The following LIG1 variants were observed in gnomAD, a reference collection of about 807,000 sequenced individuals.
The protein encoded by LIG1 is ligase I, DNA, ATP-dependent.
In LIG1, 70 loss-of-function variants were observed where a neutral mutation model predicts 115.7. The ratio of observed to expected loss-of-function variants is 0.60; its 90% CI spans 0.50 to 0.74. The LOEUF is 0.74. Among genes scored for constraint, LIG1 ranks in the 30% least tolerant of loss-of-function variants. The pLI, the probability that LIG1 is intolerant of heterozygous loss-of-function variation, is 0.00. For missense variants in LIG1, 1,115 were observed against 1,225.6 expected (o/e 0.91, Z 1.35); for synonymous variants, 487 against 495.3 (o/e 0.98, Z 0.22).
chr19:48,153,106 A>G (rs916517623), intron 6 of LIG1, among the ~76,000 whole-genome samples: 2 of 151,314 alleles, frequency 1.3e-5, no homozygotes, highest in African/African-American at 4.9e-5. Flanking sequence ...GAGGTGGGAG[A>G]ATCGCTTGAG....
At chr19:48,127,670 T>A (rs1189441090) in intron 20 of LIG1, 1 of 619,724 alleles carries the variant, frequency 1.6e-6, no homozygotes, top group Non-Finnish European at 2.9e-6. Context: ...CCAGAACAGA[T>A]CTTCTTTCAT....
At chr19:48,129,431 G>A (rs1223540871) in intron 19 of LIG1, among the ~76,000 whole-genome samples, 1 of 152,202 alleles carries the variant, frequency 6.6e-6, no homozygotes, top group East Asian at 1.9e-4. Flanking sequence ...AGAGCCAGCT[G>A]CAGGACTCTC....
intron 24 of LIG1, chr19:48,120,966 T>C: frequency 6.9e-7 from 1 of 1,454,774 alleles, no homozygotes. Context: ...CACACATTCC[T>C]GACATCTTTC....
Position 48,116,006 on chromosome 19 carries a change from C to A in LIG1, c.2584-41G>T, listed in dbSNP as rs746305040. On this transcript the variant is annotated intron_variant, in intron 26 of 27. Coordinates refer to ENST00000263274, the MANE Select transcript of LIG1 (RefSeq NM_000234.3). Reference sequence around the variant, plus strand: ...GGAGACTCCTGCGGTCCAGCCCCAGCGACCCCCTGCTCAGTCTCCTCCCTC... The same window carrying A: ...GGAGACTCCTGCGGTCCAGCCCCAGAGACCCCCTGCTCAGTCTCCTCCCTC... 14 of 1,479,020 alleles carry A rather than the reference C, an allele frequency of 9.5e-6. No homozygotes were observed. The East Asian group carries it at 2.5e-4, about 27-fold the overall frequency. 91.6% of individuals were successfully genotyped at this position (1,479,020 alleles called of 1,614,324 possible).
chr19:48,162,109 C>T (rs1215423198), intron 3 of LIG1, among the ~76,000 whole-genome samples, 153 bp downstream of exon 3: 1 of 152,114 alleles, frequency 6.6e-6, no homozygotes, highest in Non-Finnish European at 1.5e-5. Flanking sequence ...TCCAGCTGTG[C>T]CTGCAGCTGC....
rs765179678 is a variant in LIG1, at chr19:48,140,005, A to G, written c.1053T>C (p.Asp351=). The change falls in exon 12 of 28, where the codon GAT becomes GAC. Residue 351 remains aspartate (D), a synonymous_variant. Coordinates refer to ENST00000263274, the MANE Select transcript of LIG1 (RefSeq NM_000234.3). ...PQQGLELGVG[D]GVLLKAVAQA... ...GGGCCACTGCCTTGAGAAGGACACC[A>G]TCACCCACGCCAAGCTCCAGGCCCT... 1.2e-6 allele frequency: 2 copies of G among 1,614,066 alleles called. No individual in the cohort carries two copies. Among genetic ancestry groups the G allele is most frequent in the Admixed American group, 1.7e-5 (1 of 60,022 alleles).
chr19:48,115,963 C>T lies in LIG1; in HGVS notation c.2586G>A (p.Val862=). Residue 862 remains valine, a splice_region_variant and synonymous_variant, in exon 27 of 28, where the codon GTG becomes GTA. Coordinates refer to ENST00000263274, the MANE Select transcript of LIG1 (RefSeq NM_000234.3). ...GAAGGGAGATGCCCTTGTCACTATC[C>T]ACCTGCGGAAGCGGGATGGAGACTC... ...SPIYPAARGL[V]DSDKGISLRF... 1 of 1,613,170 alleles carries T rather than the reference C, an allele frequency of 6.2e-7. No homozygotes were observed. Among genetic ancestry groups the T allele is most frequent in the Non-Finnish European group, 8.5e-7 (1 of 1,179,688 alleles).
intron 11 of LIG1, among the ~76,000 whole-genome samples, chr19:48,141,306 AT>A (rs2034734507): frequency 6.6e-6 from 1 of 151,930 alleles, no homozygotes; most frequent in African/African-American, 2.4e-5. Context: ...ATTTTTTTTA[AT>A]TTTTAGTAGA....
intron 21 of LIG1, among the ~76,000 whole-genome samples, chr19:48,125,101 AACT>A (rs758651027): frequency 2.0e-5 from 3 of 152,218 alleles, no homozygotes; most frequent in Non-Finnish European, 2.9e-5. Context: ...ATCCATGTTC[AACT>A]ACTACTAATA....
At chr19:48,130,468 A>C (rs1032870516) in intron 19 of LIG1, among the ~76,000 whole-genome samples, 2 of 152,038 alleles carry the variant, frequency 1.3e-5, no homozygotes, top group East Asian at 3.9e-4. Context: ...GCCCTGTATG[A>C]CTCTGAGCTG....
chr19:48,154,070 C>A, intron 5 of LIG1, 103 bp from the exon 6 acceptor site: 1 of 885,488 alleles, frequency 1.1e-6, no homozygotes, highest in Non-Finnish European at 1.9e-6. Flanking sequence ...GCTCTGGGCC[C>A]TCTCCCCTTC....
At chr19:48,162,531 G>T (rs372648051) in intron 2 of LIG1, among the ~76,000 whole-genome samples, 180 bp from the exon 3 acceptor site, 4 of 150,820 alleles carry the variant, frequency 2.7e-5, no homozygotes, top group East Asian at 2.0e-4. Context: ...CCTCCTGGGT[G>T]CATGCCATTC....
At chr19:48,160,520 T>C (rs779905605) in intron 4 of LIG1, among the ~76,000 whole-genome samples, 2 of 152,106 alleles carry the variant, frequency 1.3e-5, no homozygotes, top group African/African-American at 2.4e-5. Context: ...CTTTGGCCTG[T>C]GGTGGTAATA....
At position 48,156,036 on chromosome 19, in the gene LIG1, C is replaced by T. The variant is rs185398790; in HGVS notation, c.370+978G>A. Among the ~76,000 whole-genome samples the T allele has an allele frequency of 1.3e-3, 196 of 152,284 alleles. 2 individuals are homozygous for T. The highest frequency in any genetic ancestry group is 2.2e-3 in the Non-Finnish European group (152 of 68,030). ...TGCCCCGCATTACGAATGGGTCTCT[C>T]GCCCTGTTCTTACCCCACAGCAAAC... is the stretch of plus-strand genomic sequence containing the variant. On this transcript the variant is annotated intron_variant, in intron 5 of 27. Transcript: ENST00000263274.
In LIG1 at chr19:48,151,307, C is replaced by T. The variant is rs2035459982; in HGVS notation, c.499G>A (p.Ala167Thr). ...CCTTCCTTCTCTGTGGCCACTTCAG[C>T]CTCTGTGAGGCTTTCTTTCGGGGTC... ...EETPKESLTE[A>T]EVATEKEGED... Residue 167 changes from alanine to threonine, a missense_variant, in exon 7 of 28, where the codon GCT becomes ACT. Transcript: ENST00000263274. 6.2e-7 allele frequency: 1 copy of T among 1,613,698 alleles called. No homozygotes were observed. The highest frequency in any genetic ancestry group is 8.5e-7 in the Non-Finnish European group (1 of 1,179,686).
chr19:48,133,567 A>C, intron 17 of LIG1: 1 of 312,376 alleles, frequency 3.2e-6, no homozygotes, highest in Middle Eastern at 1.2e-3. Flanking sequence ...GACAGAAAGA[A>C]ATTCTATCTG....
intron 24 of LIG1, chr19:48,120,825 T>A: frequency 1.6e-6 from 1 of 637,352 alleles, no homozygotes; most frequent in Non-Finnish European, 2.1e-6. Context: ...CAAAAAAAAA[T>A]GTGGGGAGAG....
intron 16 of LIG1, 72 bp downstream of exon 16, chr19:48,135,605 GCTC>G: frequency 8.6e-7 from 1 of 1,165,826 alleles, no homozygotes; most frequent in Non-Finnish European, 1.3e-6. Context: ...CCCACCCACT[GCTC>G]CTCTGGCTCC....
chr19:48,142,797 C>T (rs954793065), intron 11 of LIG1, among the ~76,000 whole-genome samples: 1 of 152,100 alleles, frequency 6.6e-6, no homozygotes, highest in Non-Finnish European at 1.5e-5. Context: ...GCACCCGCCA[C>T]CATGCTGGGC....
Sources: allele counts gnomAD v4.1 joint callset (sites outside exome capture counted in the v4.1 genomes callset), GRCh38; gene constraint gnomAD v4.1.1; transcripts MANE v1.5; gene names NCBI Gene and HGNC (gene_info 2026-07-23, HGNC 2026-07-21).